The following PDLIM5 variants were observed in gnomAD, a reference collection of about 807,000 sequenced individuals.
The protein encoded by PDLIM5 is PDZ and LIM domain protein 5.
In PDLIM5, 34 loss-of-function variants were observed where a neutral mutation model predicts 64.2. The ratio of observed to expected loss-of-function variants is 0.53; its 90% CI spans 0.40 to 0.71. The LOEUF is 0.71. Among genes scored for constraint, PDLIM5 ranks in the 30% least tolerant of loss-of-function variants. PDLIM5 has a pLI of 0.00. For missense variants in PDLIM5, 683 were observed against 733.6 expected (o/e 0.93, Z 0.80); for synonymous variants, 253 against 269.1 (o/e 0.94, Z 0.59).
At chr4:94,636,180 T>C (rs1008635320) in intron 8 of PDLIM5, among the ~76,000 whole-genome samples, 1 of 152,302 alleles carries the variant, frequency 6.6e-6, no homozygotes, top group Non-Finnish European at 1.5e-5. Flanking sequence ...CATTTTACAA[T>C]GACTGATGGA....
At chr4:94,553,709 G>T (rs1733016764) in intron 3 of PDLIM5, among the ~76,000 whole-genome samples, 1 of 152,086 alleles carries the variant, frequency 6.6e-6, no homozygotes, top group South Asian at 2.1e-4. Flanking sequence ...TCGTGTGAAT[G>T]ATCCTGCAGC....
At chr4:94,528,311 T>G (rs1730556061) in intron 3 of PDLIM5, among the ~76,000 whole-genome samples, 1 of 152,128 alleles carries the variant, frequency 6.6e-6, no homozygotes, top group African/African-American at 2.4e-5. Flanking sequence ...TTGTATGAAA[T>G]AGTTTATGCC....
At chr4:94,511,928 A>G (rs1187933323) in intron 2 of PDLIM5, among the ~76,000 whole-genome samples, 1 of 152,172 alleles carries the variant, frequency 6.6e-6, no homozygotes, top group Non-Finnish European at 1.5e-5. Context: ...ACACTGCTGC[A>G]ACAAACATGA....
At chr4:94,562,997 A>C (rs1293002415) in intron 3 of PDLIM5, among the ~76,000 whole-genome samples, 1 of 152,190 alleles carries the variant, frequency 6.6e-6, no homozygotes, top group Non-Finnish European at 1.5e-5. Flanking sequence ...ATCAATCAGT[A>C]ATATAAACAA....
intron 8 of PDLIM5, among the ~76,000 whole-genome samples, chr4:94,626,210 G>A (rs1052977353): frequency 3.3e-5 from 5 of 152,208 alleles, no homozygotes; most frequent in Non-Finnish European, 5.9e-5. Context: ...TACAATGGGC[G>A]GCCTAAAAGG....
At chr4:94,659,457 ACAG>A (rs761348827) in intron 11 of PDLIM5, among the ~76,000 whole-genome samples, 51 of 151,012 alleles carry the variant, frequency 3.4e-4, no homozygotes, top group Non-Finnish European at 4.7e-4. Flanking sequence ...CAACCTCCAA[ACAG>A]CAGGCATAGA....
At chr4:94,555,095 C>T (rs1013176495) in intron 3 of PDLIM5, among the ~76,000 whole-genome samples, 5 of 152,086 alleles carry the variant, frequency 3.3e-5, no homozygotes, top group African/African-American at 9.7e-5. Context: ...CTCTGTTGCC[C>T]CAGCTGGAGT....
intron 9 of PDLIM5, among the ~76,000 whole-genome samples, chr4:94,641,809 A>T (rs1741023604): frequency 6.6e-6 from 1 of 152,196 alleles, no homozygotes; most frequent in Non-Finnish European, 1.5e-5. Context: ...GAAAATCAGT[A>T]AAGGTTTCCA....
chr4:94,662,685 TTTA>T, intron 12 of PDLIM5, 148 bp downstream of exon 12: 2 of 460,428 alleles, frequency 4.3e-6, no homozygotes. Flanking sequence ...TCGAAAGTTG[TTTA>T]TTAAATTTTT....
chr4:94,634,517 A>C (rs1204981218), intron 8 of PDLIM5, among the ~76,000 whole-genome samples: 1 of 150,134 alleles, frequency 6.7e-6, no homozygotes, highest in Non-Finnish European at 1.5e-5. Flanking sequence ...AGCTGACTTA[A>C]GTTTCCAAGT....
chr4:94,636,280 A>G (rs1330526015), intron 8 of PDLIM5, among the ~76,000 whole-genome samples: 2 of 152,244 alleles, frequency 1.3e-5, no homozygotes, highest in East Asian at 1.9e-4. Context: ...ATAAAGGCAT[A>G]TGGTAGATGA....
intron 2 of PDLIM5, among the ~76,000 whole-genome samples, chr4:94,476,601 C>T (rs974914922): frequency 2.6e-5 from 4 of 152,260 alleles, no homozygotes; most frequent in Admixed American, 2.6e-4. Flanking sequence ...GATCTTCCTC[C>T]ATCATGAGTA....
At chr4:94,564,892 G>A (rs1473650447) in intron 3 of PDLIM5, among the ~76,000 whole-genome samples, 17 of 151,850 alleles carry the variant, frequency 1.1e-4, no homozygotes, top group Non-Finnish European at 1.9e-4. Flanking sequence ...TCCTGACCTC[G>A]TGATCCGCCC....
chr4:94,511,695 CTTTT>C (rs1560667098), intron 2 of PDLIM5, among the ~76,000 whole-genome samples: 1 of 151,918 alleles, frequency 6.6e-6, no homozygotes. Context: ...ATTATTTTGG[CTTTT>C]TTGGTCCCGC....
chr4:94,498,410 C>T (rs1406518546), intron 2 of PDLIM5, among the ~76,000 whole-genome samples: 1 of 152,144 alleles, frequency 6.6e-6, no homozygotes, highest in Non-Finnish European at 1.5e-5. Flanking sequence ...TTCTTTCTGC[C>T]TAGCTAACAC....
At position 94,576,001 on chromosome 4, in the gene PDLIM5, G is replaced by A; in HGVS notation, c.677G>A (p.Arg226Lys). Reference sequence around the variant, plus strand: ...CAGGAGCTAGCAGAGGGACAGAGAAGAGGATCCCAGGGTGACAGTAAACAG... The same window carrying A: ...CAGGAGCTAGCAGAGGGACAGAGAAAAGGATCCCAGGGTGACAGTAAACAG... The part of the protein sequence containing the change: ...TSQELAEGQR[R>K]GSQGDSKQQN... Residue 226 changes from arginine to lysine, a missense_variant, in exon 5 of 13, where the codon AGA (arginine) becomes AAA (lysine). By Grantham distance (26) the Arg-to-Lys change is conservative. Transcript: ENST00000317968. The A allele has an allele frequency of 1.2e-6, 2 of 1,614,078 alleles. No homozygotes were observed. The highest frequency in any genetic ancestry group is 1.7e-6 in the Non-Finnish European group (2 of 1,179,964).
rs576779814 is a variant in PDLIM5, at chr4:94,659,966, G to A, written c.1585+2419G>A. On this transcript the variant is annotated intron_variant, in intron 11 of 12. Transcript: ENST00000317968. ...GGCTGCAGTGCAGTGGCCCGATCTC[G>A]GCTCACCGTAACCTCCACCTCCCGG... 7.2e-4 allele frequency among the ~76,000 whole-genome samples: 108 copies of A among 149,290 alleles called. 2 individuals carry two copies. Among genetic ancestry groups the A allele is most frequent in the African/African-American group, 1.5e-3 (59 of 40,226 alleles).
intron 3 of PDLIM5, among the ~76,000 whole-genome samples, chr4:94,545,411 T>C (rs1405495110): frequency 6.6e-6 from 1 of 152,160 alleles, no homozygotes; most frequent in Non-Finnish European, 1.5e-5. Flanking sequence ...CACACAGTGG[T>C]TTCATTGTTT....
chr4:94,526,078 C>T (rs1300493783), intron 3 of PDLIM5, among the ~76,000 whole-genome samples: 2 of 152,188 alleles, frequency 1.3e-5, no homozygotes, highest in African/African-American at 4.8e-5. Flanking sequence ...GGCTGTTTTA[C>T]ACATTCTAAA....
Sources: allele counts gnomAD v4.1 joint callset (sites outside exome capture counted in the v4.1 genomes callset), GRCh38; gene constraint gnomAD v4.1.1; transcripts MANE v1.5; gene names NCBI Gene and HGNC (gene_info 2026-07-23, HGNC 2026-07-21).